The following DBNL variants were observed in gnomAD, a reference collection of about 807,000 sequenced individuals.
DBNL encodes the protein drebrin-like protein.
DBNL carries 35 observed loss-of-function variants against 62.2 expected under a neutral mutation model. The ratio of observed to expected loss-of-function variants is 0.56; its 90% CI spans 0.43 to 0.75. The LOEUF (loss-of-function observed/expected upper bound fraction) is 0.75. DBNL is among the 30% of genes least tolerant of loss of function. The pLI, the probability that DBNL is intolerant of heterozygous loss-of-function variation, is 0.00. For missense variants in DBNL, 495 were observed against 578.4 expected, an observed-to-expected ratio of 0.86 and a Z score of 1.48; for synonymous variants, 197 against 218.0, an observed-to-expected ratio of 0.90 and a Z score of 0.85.
chr7:44,047,674 A>G (rs972498936), intron 1 of DBNL, among the ~76,000 whole-genome samples: 3 of 152,164 alleles, frequency 2.0e-5, no homozygotes, highest in Admixed American at 6.5e-5. Flanking sequence ...CAAAGGCACT[A>G]TTGAATTATA....
chr7:44,052,628 G>T (rs1053944392), intron 3 of DBNL, among the ~76,000 whole-genome samples: 1 of 147,766 alleles, frequency 6.8e-6, no homozygotes, highest in African/African-American at 2.5e-5. Context: ...AAAAAAAAAA[G>T]AAAATTCATG....
rs759965153 is a variant in DBNL, at chr7:44,062,750, C to T, written c.*1834C>T. Reference sequence around the variant, plus strand: ...GCTGTTGGGGGAGGTGCCTTTATTGCCCAAGCCCACCCCTCACTTGGCCTT... The same window carrying T: ...GCTGTTGGGGGAGGTGCCTTTATTGTCCAAGCCCACCCCTCACTTGGCCTT... On this transcript the variant is annotated 3_prime_UTR_variant, in exon 13 of 13. Transcript: ENST00000448521. The T allele has an allele frequency of 1.2e-6, 2 of 1,613,710 alleles. No homozygotes were observed. Among genetic ancestry groups the T allele is most frequent in the South Asian group, 1.1e-5 (1 of 91,042 alleles).
At chr7:44,052,567 G>A (rs991920564) in intron 3 of DBNL, among the ~76,000 whole-genome samples, 97 of 149,638 alleles carry the variant, frequency 6.5e-4, no homozygotes, top group African/African-American at 2.4e-3. Flanking sequence ...CCAAGATTGC[G>A]CCACTGTACT....
rs1226957299 is a variant in DBNL at position 44,060,923 on chromosome 7, G to A, written c.*7G>A. 9 of 1,612,870 alleles carry A rather than the reference G, an allele frequency of 5.6e-6. No individual in the cohort carries two copies. The East Asian group carries it at 1.8e-4, about 32-fold the overall frequency. ...CGTGGAGCTCATTGAGTGAGGCTGA[G>A]GGCACATCTTGCCCTTCCCCTCTCA... is the stretch of plus-strand genomic sequence containing the variant. On this transcript the variant is annotated 3_prime_UTR_variant, in exon 13 of 13. Coordinates refer to ENST00000448521, the MANE Select transcript of DBNL (RefSeq NM_001014436.3). This position sits in a 1 kb window ranked among gnomAD's most constrained non-coding sequence, Gnocchi z 6.3.
rs1284466204 is a variant in DBNL at position 44,052,898 on chromosome 7, G to A, written c.284G>A (p.Gly95Glu). 3.1e-6 allele frequency: 5 copies of A among 1,613,854 alleles called. No individual in the cohort carries two copies. Among genetic ancestry groups the A allele is most frequent in the Non-Finnish European group, 4.2e-6 (5 of 1,180,018 alleles). The change falls in exon 4 of 13, where the codon GGA becomes GAA. Residue 95 changes from glycine to glutamate, a missense_variant. Transcript: ENST00000448521. ...TGEGVNDVRKGACASHVSTMA... is the reference protein window; with the variant it reads ...TGEGVNDVRKEACASHVSTMA... Reference sequence around the variant, plus strand: ...GAGGGCGTGAACGATGTGCGGAAGGGAGCCTGTGCCAGCCACGTCAGCACC... The same window carrying A: ...GAGGGCGTGAACGATGTGCGGAAGGAAGCCTGTGCCAGCCACGTCAGCACC...
Position 44,065,213 on chromosome 7 carries a change from T to G in DBNL, c.*4297T>G. 1 of 1,614,074 alleles carries G rather than the reference T, an allele frequency of 6.2e-7. No individual in the cohort carries two copies. Among genetic ancestry groups the G allele is most frequent in the Non-Finnish European group, 8.5e-7 (1 of 1,180,038 alleles). On this transcript the variant is annotated 3_prime_UTR_variant, in exon 13 of 13. Coordinates refer to ENST00000448521, the MANE Select transcript of DBNL (RefSeq NM_001014436.3). Reference sequence around the variant, plus strand: ...GATCTTCACCTGCTCCTCCCCGTGCTTGGCGGCCGTTTCTGCCTTGTTGAG... The same window carrying G: ...GATCTTCACCTGCTCCTCCCCGTGCGTGGCGGCCGTTTCTGCCTTGTTGAG...
chr7:44,065,000 C>G lies in DBNL; in HGVS notation c.*4084C>G, dbSNP rs775439724. 8 of 1,606,040 alleles carry G rather than the reference C, an allele frequency of 5.0e-6. No individual in the cohort carries two copies. The African/African-American group carries it at 9.3e-5, about 19-fold the overall frequency. On this transcript the variant is annotated 3_prime_UTR_variant, in exon 13 of 13. Coordinates refer to ENST00000448521, the MANE Select transcript of DBNL (RefSeq NM_001014436.3). ...GGGAGTTCCCCGGGCTTCAGGCCTG[C>G]GTACCGACGCTCCTGGGGGACACAG...
chr7:44,056,712 C>T (rs749225788), intron 4 of DBNL, 45 bp from the exon 5 acceptor site: 2 of 1,612,488 alleles, frequency 1.2e-6, no homozygotes, highest in South Asian at 1.1e-5. Flanking sequence ...TGGCCCATCT[C>T]CTGGGCTTGC....
intron 2 of DBNL, 30 bp from the exon 3 acceptor site, chr7:44,051,800 C>T: frequency 6.2e-7 from 1 of 1,605,636 alleles, no homozygotes; most frequent in Non-Finnish European, 8.5e-7. Context: ...GTCAGGGCCA[C>T]CCCTGACCTT....
rs375271157 is a variant in DBNL at position 44,052,873 on chromosome 7, G to A, written c.259G>A (p.Glu87Lys). 1.5e-5 allele frequency: 25 copies of A among 1,613,772 alleles called. No individual in the cohort carries two copies. The highest frequency in any genetic ancestry group is 2.1e-5 in the Non-Finnish European group (25 of 1,180,020). The change falls in exon 4 of 13, where the codon GAG (glutamate) becomes AAG (lysine). Residue 87 changes from glutamate to lysine, a missense_variant. Physicochemically the swap from Glu to Lys is moderately conservative, Grantham distance 56. Transcript: ENST00000448521. ...PKFVLINWTG[E>K]GVNDVRKGAC... ...GGGCATCCTTGTGTTGCAGACAGGCGAGGGCGTGAACGATGTGCGGAAGGG... is the reference window on the plus strand; with the variant it reads ...GGGCATCCTTGTGTTGCAGACAGGCAAGGGCGTGAACGATGTGCGGAAGGG...
At chr7:44,051,701 G>A in intron 2 of DBNL, 129 bp from the exon 3 acceptor site, 1 of 755,716 alleles carries the variant, frequency 1.3e-6, no homozygotes. Context: ...CATACCCCTA[G>A]AAAGATTCTG....
At chr7:44,050,786 A>C (rs1035577570) in intron 2 of DBNL, 1 of 153,912 alleles carries the variant, frequency 6.5e-6, no homozygotes. Flanking sequence ...TTGTCAGGGT[A>C]GGCTTCGTCA....
At chr7:44,053,641 T>G (rs2096130380) in intron 4 of DBNL, among the ~76,000 whole-genome samples, 1 of 152,098 alleles carries the variant, frequency 6.6e-6, no homozygotes, top group African/African-American at 2.4e-5. Flanking sequence ...TGTTTTCAGT[T>G]CAGCATCCAA....
In DBNL at chr7:44,059,177, G is replaced by C. The variant is rs2096143140; in HGVS notation, c.836-177G>C. Among the ~76,000 whole-genome samples, 4 of 152,336 alleles carry C rather than the reference G, an allele frequency of 2.6e-5. No homozygotes were observed. Among genetic ancestry groups the C allele is most frequent in the Admixed American group, 2.0e-4 (3 of 15,310 alleles). On this transcript the variant is annotated intron_variant, in intron 9 of 12. Coordinates refer to ENST00000448521, the MANE Select transcript of DBNL (RefSeq NM_001014436.3). This position sits in a 1 kb window ranked among gnomAD's most constrained non-coding sequence, Gnocchi z 4.1. ...CCAGTTTGGCCTCCAAAAGATATTG[G>C]GCTGCGCTGTCTACCACGTCACCAC...
At chr7:44,050,834 C>G (rs973541826) in intron 2 of DBNL, 1 of 152,986 alleles carries the variant, frequency 6.5e-6, no homozygotes, top group African/African-American at 2.4e-5. Context: ...ACACCCGTGA[C>G]TGCTCCTCCT....
chr7:44,064,793 G>GGCCCCCCCCCCCGCCCCCCC lies in DBNL; in HGVS notation c.*3877_*3878insGCCCCCCCCCCCGCCCCCCC. On this transcript the variant is annotated 3_prime_UTR_variant, in exon 13 of 13. Transcript: ENST00000448521. ...AGATGAGAAGCCAGCTGGGGCTGCT[G>GGCCCCCCCCCCCGCCCCCCC]CCCACCCACCCTGCCCAGGCTCCTG... The GGCCCCCCCCCCCGCCCCCCC allele has an allele frequency of 8.8e-7, 1 of 1,136,982 alleles. No individual in the cohort carries two copies. 70.4% of individuals were successfully genotyped at this position (1,136,982 alleles called of 1,614,324 possible).
At position 44,063,058 on chromosome 7, in the gene DBNL, C is replaced by T. The variant is rs1562660132; in HGVS notation, c.*2142C>T. 5 of 994,712 alleles carry T rather than the reference C, an allele frequency of 5.0e-6. No individual in the cohort carries two copies. Among genetic ancestry groups the T allele is most frequent in the Admixed American group, 3.8e-5 (2 of 52,298 alleles). The allele number at this position is 994,712 out of a possible 1,614,324, so 61.6% of individuals were successfully genotyped here. ...ACCAATTCCTTCCCAGCCCTGAGAA[C>T]GAGGCCACAGAAATGTTGCCAAAGG... On this transcript the variant is annotated 3_prime_UTR_variant, in exon 13 of 13. Coordinates refer to ENST00000448521, the MANE Select transcript of DBNL (RefSeq NM_001014436.3).
chr7:44,052,978 C>T, intron 4 of DBNL, 37 bp downstream of exon 4: 1 of 1,600,858 alleles, frequency 6.2e-7, no homozygotes, highest in East Asian at 2.3e-5. Flanking sequence ...TGGGAACAGG[C>T]CTCACAGGCT....
chr7:44,054,833 C>T (rs1401337621), intron 4 of DBNL, among the ~76,000 whole-genome samples: 1 of 152,160 alleles, frequency 6.6e-6, no homozygotes, highest in Non-Finnish European at 1.5e-5. Context: ...TCTACTCTCT[C>T]CCTCCATGAT....
Sources: gnomAD v4.1 joint callset for allele counts (sites outside exome capture counted in the v4.1 genomes callset) on GRCh38, gnomAD v4.1.1 for gene constraint, Gnocchi (gnomAD v3.1) non-coding constraint, MANE v1.5 for transcripts, NCBI Gene and HGNC (gene_info 2026-07-23, HGNC 2026-07-21) for gene names.